PTPRD: variants seen among roughly 807,000 people sequenced by gnomAD.
PTPRD encodes receptor-type tyrosine-protein phosphatase delta.
Under a neutral mutation model 214.5 loss-of-function variants are expected in PTPRD, and 34 were observed. That is an observed-to-expected ratio of 0.16 (90% CI 0.12 to 0.21). PTPRD has a LOEUF of 0.21. Ranked by LOEUF, PTPRD falls within the 10% of genes least tolerant of loss-of-function variation. The pLI, the probability that PTPRD is intolerant of heterozygous loss-of-function variation, is 1.00. For missense variants in PTPRD, 2,545 were observed against 2,398.7 expected, an observed-to-expected ratio of 1.06 and a Z score of -1.27; for synonymous variants, 1,128 against 845.7, an observed-to-expected ratio of 1.33 and a Z score of -5.79.
rs190522309 is a variant in PTPRD, at chr9:8,889,354, C to T, written c.-104+129343G>A. Among the ~76,000 whole-genome samples the T allele has an allele frequency of 6.5e-4, 99 of 152,194 alleles. 2 individuals carry two copies. In the East Asian group the frequency reaches 0.017, roughly 26 times the overall value. The stretch of plus-strand genomic sequence containing the variant: ...GAATTCTCAGCTCCTAGCAAAGTTC[C>T]TGGCACATAGTAGGCAATATAATAG... On this transcript the variant is annotated intron_variant, in intron 11 of 45. Transcript: ENST00000381196.
chr9:8,512,877 G>C (rs1271807716), intron 21 of PTPRD, among the ~76,000 whole-genome samples: 1 of 151,926 alleles, frequency 6.6e-6, no homozygotes, highest in Non-Finnish European at 1.5e-5. Context: ...TTAGGTTTGA[G>C]ATTTAACTTA....
At chr9:10,084,998 C>T (rs1439282083) in intron 3 of PTPRD, among the ~76,000 whole-genome samples, 1 of 151,786 alleles carries the variant, frequency 6.6e-6, no homozygotes, top group African/African-American at 2.4e-5. Flanking sequence ...TGAAGTAGTC[C>T]AGAGAAATAA....
intron 10 of PTPRD, among the ~76,000 whole-genome samples, chr9:9,052,268 C>A (rs545583643): frequency 1.6e-4 from 24 of 152,240 alleles, no homozygotes; most frequent in African/African-American, 5.8e-4. Context: ...AAGGCCCCCA[C>A]CTCCTAATAT....
At chr9:8,696,910 C>T (rs143144994) in intron 12 of PTPRD, among the ~76,000 whole-genome samples, 127 of 152,296 alleles carry the variant, frequency 8.3e-4, no homozygotes, top group African/African-American at 2.6e-3. Context: ...CAGAGGTGCA[C>T]AGAAGAAAGA....
intron 5 of PTPRD, among the ~76,000 whole-genome samples, chr9:9,796,201 AAAG>A (rs1214815572): frequency 9.2e-5 from 14 of 152,224 alleles, no homozygotes; most frequent in African/African-American, 2.2e-4. Context: ...TCCTCAGTTG[AAAG>A]AAGAAGAAGA....
At chr9:9,885,598 C>T (rs1391312185) in intron 5 of PTPRD, among the ~76,000 whole-genome samples, 1 of 151,798 alleles carries the variant, frequency 6.6e-6, no homozygotes, top group East Asian at 1.9e-4. Flanking sequence ...ACCCAAGAGT[C>T]CTTATAAGGG....
chr9:9,423,357 C>A (rs1049589151), intron 8 of PTPRD, among the ~76,000 whole-genome samples: 1 of 152,136 alleles, frequency 6.6e-6, no homozygotes, highest in Non-Finnish European at 1.5e-5. Context: ...AGCAAAAAGG[C>A]AGCCTTCTGC....
intron 7 of PTPRD, among the ~76,000 whole-genome samples, chr9:9,618,398 C>A (rs970967034): frequency 5.3e-5 from 8 of 150,012 alleles, no homozygotes; most frequent in African/African-American, 9.9e-5. Flanking sequence ...AAAAAAAAAA[C>A]AATAATATAG....
At chr9:9,897,502 T>C (rs979704452) in intron 5 of PTPRD, among the ~76,000 whole-genome samples, 2 of 152,110 alleles carry the variant, frequency 1.3e-5, no homozygotes, top group African/African-American at 4.8e-5. Flanking sequence ...ATTTTTCATC[T>C]ATTTTTTTCT....
At chr9:10,143,280 T>TAAATA (rs534466567) in intron 3 of PTPRD, among the ~76,000 whole-genome samples, 6,121 of 117,684 alleles carry the variant, frequency 0.052, 290 homozygotes, top group African/African-American at 0.14. Context: ...ATAATAATAA[T>TAAATA]AAATAAAATA....
At chr9:8,589,054 G>A (rs182116140) in intron 14 of PTPRD, among the ~76,000 whole-genome samples, 62 of 152,140 alleles carry the variant, frequency 4.1e-4, no homozygotes, top group African/African-American at 1.3e-3. Flanking sequence ...AAATAAATAG[G>A]AAAGCTCTAT....
At chr9:8,489,725 A>G (rs1339872989) in intron 27 of PTPRD, among the ~76,000 whole-genome samples, 1 of 152,232 alleles carries the variant, frequency 6.6e-6, no homozygotes, top group Non-Finnish European at 1.5e-5. Context: ...AGGATAAAAA[A>G]GGGAAAAGGA....
chr9:9,869,865 A>G (rs547986836), intron 5 of PTPRD, among the ~76,000 whole-genome samples: 133 of 152,186 alleles, frequency 8.7e-4, no homozygotes, highest in African/African-American at 3.2e-3. Flanking sequence ...CTGTAAAAAT[A>G]CAGCAGAGAT....
chr9:10,451,793 G>A (rs936875971), intron 2 of PTPRD, among the ~76,000 whole-genome samples: 144 of 152,022 alleles, frequency 9.5e-4, no homozygotes, highest in African/African-American at 3.3e-3. Context: ...TTCTTAATAC[G>A]AATGCTTTCT....
chr9:9,488,222 A>T (rs2095741045), intron 8 of PTPRD, among the ~76,000 whole-genome samples: 1 of 152,226 alleles, frequency 6.6e-6, no homozygotes, highest in African/African-American at 2.4e-5. Context: ...TCACAAGCAT[A>T]CTATGAGACA....
At chr9:8,960,490 G>T (rs953521612) in intron 11 of PTPRD, among the ~76,000 whole-genome samples, 8 of 152,192 alleles carry the variant, frequency 5.3e-5, no homozygotes, top group African/African-American at 1.9e-4. Context: ...TCTGACATGG[G>T]TACCCAGAAA....
At chr9:8,503,536 A>G (rs552816458) in intron 23 of PTPRD, among the ~76,000 whole-genome samples, 46 of 152,344 alleles carry the variant, frequency 3.0e-4, no homozygotes, top group African/African-American at 1.1e-3. Context: ...AAAATCCTGT[A>G]TAATACTTTA....
chr9:8,719,513 G>C (rs1177058616), intron 12 of PTPRD, among the ~76,000 whole-genome samples: 3 of 152,230 alleles, frequency 2.0e-5, no homozygotes, highest in Non-Finnish European at 2.9e-5. Context: ...TCTCCTGTCT[G>C]ATGAGGAGTT....
At chr9:9,348,829 A>T (rs1047576288) in intron 9 of PTPRD, among the ~76,000 whole-genome samples, 6 of 152,122 alleles carry the variant, frequency 3.9e-5, no homozygotes, top group African/African-American at 1.4e-4. Context: ...TGTCCTAATT[A>T]GGGTGCTCTC....
Sources: gnomAD v4.1 joint callset for allele counts (sites outside exome capture counted in the v4.1 genomes callset) on GRCh38, gnomAD v4.1.1 for gene constraint, MANE v1.5 for transcripts, NCBI Gene and HGNC (gene_info 2026-07-23, HGNC 2026-07-21) for gene names.